MYO3B: variants seen among roughly 807,000 people sequenced by gnomAD.
MYO3B encodes the protein myosin IIIB, also known as myosin-IIIb.
A neutral mutation model predicts 174.6 loss-of-function variants in MYO3B; 156 were observed. That is an observed-to-expected ratio of 0.89 (90% confidence interval 0.78 to 1.02). The LOEUF (loss-of-function observed/expected upper bound fraction) is 1.02, where lower values mean the gene tolerates loss of function less well. Ranked by LOEUF, MYO3B falls within the 50% of genes least tolerant of loss-of-function variation. The pLI is 0.00. For synonymous variants in MYO3B, 563 were observed against 569.1 expected (o/e 0.99, Z 0.15); for missense variants, 1,632 against 1,639.4 (o/e 1.00, Z 0.08).
intron 22 of MYO3B, among the ~76,000 whole-genome samples, chr2:170,435,926 G>A (rs778118653): frequency 1.2e-4 from 18 of 152,184 alleles, no homozygotes; most frequent in Non-Finnish European, 2.4e-4. Context: ...GATGACTACA[G>A]GTGACACCCT....
At chr2:170,499,941 TC>T in intron 27 of MYO3B, 133 bp downstream of exon 27, 1 of 676,170 alleles carries the variant, frequency 1.5e-6, no homozygotes, top group Non-Finnish European at 2.4e-6. Context: ...CTCCCTTCCT[TC>T]CTTCCTTCTT....
At chr2:170,542,642 CA>C in intron 30 of MYO3B, among the ~76,000 whole-genome samples, 1 of 152,154 alleles carries the variant, frequency 6.6e-6, no homozygotes, top group Admixed American at 6.5e-5. Context: ...AAACCAAAGC[CA>C]ATCACACAAC....
intron 32 of MYO3B, among the ~76,000 whole-genome samples, chr2:170,574,661 T>G (rs571168816): frequency 6.6e-6 from 1 of 152,210 alleles, no homozygotes; most frequent in South Asian, 2.1e-4. Context: ...TGGTGAGTTG[T>G]TTTTCCCCCC....
chr2:170,452,378 C>G (rs1306786527), intron 23 of MYO3B, among the ~76,000 whole-genome samples: 2 of 152,074 alleles, frequency 1.3e-5, no homozygotes, highest in Non-Finnish European at 2.9e-5. Context: ...CTTAGGTTCT[C>G]TCATGTGGGC....
In MYO3B at chr2:170,634,205, G is replaced by A. The variant is rs184455471; in HGVS notation, c.3734-17423G>A. On this transcript the variant is annotated intron_variant, in intron 32 of 34. Transcript: ENST00000408978. ...ACAAAGCTGGAAGAATCACGCTACC[G>A]GACTTCAAACAATACTACAAGGCTA... Among the ~76,000 whole-genome samples, 18 of 152,088 alleles carry A rather than the reference G, an allele frequency of 1.2e-4. No homozygotes were observed. In the South Asian group the frequency reaches 1.2e-3, roughly 11 times the overall value.
At chr2:170,578,185 G>C (rs1692912138) in intron 32 of MYO3B, among the ~76,000 whole-genome samples, 1 of 152,222 alleles carries the variant, frequency 6.6e-6, no homozygotes, top group Non-Finnish European at 1.5e-5. Flanking sequence ...ACCCAGACAA[G>C]CTGTTAGCCT....
At chr2:170,446,435 C>G (rs2094843102) in intron 23 of MYO3B, among the ~76,000 whole-genome samples, 1 of 152,142 alleles carries the variant, frequency 6.6e-6, no homozygotes, top group Non-Finnish European at 1.5e-5. Context: ...CCTGTACTAT[C>G]TACCATGGCT....
chr2:170,360,580 G>A (rs2094153122), intron 8 of MYO3B, among the ~76,000 whole-genome samples: 1 of 152,174 alleles, frequency 6.6e-6, no homozygotes, highest in African/African-American at 2.4e-5. Flanking sequence ...ATCTAACTGA[G>A]GGAGCCATTG....
chr2:170,265,316 G>T (rs1183071389), intron 7 of MYO3B, among the ~76,000 whole-genome samples: 3 of 152,146 alleles, frequency 2.0e-5, no homozygotes, highest in African/African-American at 7.2e-5. Flanking sequence ...ACTCTGAAAA[G>T]GTTTATGCAT....
intron 22 of MYO3B, among the ~76,000 whole-genome samples, chr2:170,408,302 G>A (rs1314619545): frequency 1.3e-5 from 2 of 152,172 alleles, no homozygotes; most frequent in African/African-American, 2.4e-5. Flanking sequence ...TTTCTACCCA[G>A]TTATGACCCC....
At chr2:170,224,486 T>C (rs1354764645) in intron 6 of MYO3B, among the ~76,000 whole-genome samples, 1 of 152,180 alleles carries the variant, frequency 6.6e-6, no homozygotes, top group Non-Finnish European at 1.5e-5. Flanking sequence ...CCAGCTCATA[T>C]AACAAAGACA....
chr2:170,404,230 A>C lies in MYO3B; in HGVS notation c.2278-17A>C, dbSNP rs1305209776. ...CTAGTTTTGGGCTGGAGAGAATCACAATCCATTTCCCTCCAGATGGAATAT... is the reference window on the plus strand; with the variant it reads ...CTAGTTTTGGGCTGGAGAGAATCACCATCCATTTCCCTCCAGATGGAATAT... On this transcript the variant is annotated splice_polypyrimidine_tract_variant and intron_variant, in intron 19 of 34. Coordinates refer to ENST00000408978, the MANE Select transcript of MYO3B (RefSeq NM_138995.5). 1.3e-6 allele frequency: 2 copies of C among 1,584,018 alleles called. No homozygotes were observed. The highest frequency in any genetic ancestry group is 1.7e-6 in the Non-Finnish European group (2 of 1,164,798).
intron 7 of MYO3B, among the ~76,000 whole-genome samples, chr2:170,283,207 T>G (rs900016526): frequency 6.6e-6 from 1 of 152,104 alleles, no homozygotes; most frequent in Admixed American, 6.5e-5. Flanking sequence ...GCTCTCTACT[T>G]CAGTCTCAAG....
chr2:170,424,871 A>G (rs1327761411), intron 22 of MYO3B, among the ~76,000 whole-genome samples: 2 of 152,238 alleles, frequency 1.3e-5, no homozygotes, highest in Non-Finnish European at 2.9e-5. Context: ...TCGAATGGTC[A>G]GAATACAAGA....
intron 23 of MYO3B, among the ~76,000 whole-genome samples, chr2:170,457,555 C>T (rs1479531112): frequency 6.6e-6 from 1 of 152,136 alleles, no homozygotes; most frequent in Non-Finnish European, 1.5e-5. Context: ...TACACAGGCT[C>T]AGGATCATCA....
chr2:170,649,174 T>A (rs1261693277), intron 32 of MYO3B, among the ~76,000 whole-genome samples: 3 of 73,174 alleles, frequency 4.1e-5, no homozygotes, highest in African/African-American at 6.3e-5. Context: ...ATATAATATA[T>A]TATATATAAA....
At chr2:170,615,236 A>G (rs545223771) in intron 32 of MYO3B, among the ~76,000 whole-genome samples, 2 of 152,340 alleles carry the variant, frequency 1.3e-5, no homozygotes, top group South Asian at 4.1e-4. Context: ...CTCAGTACCT[A>G]CCATGTACCA....
intron 31 of MYO3B, 148 bp downstream of exon 31, chr2:170,543,114 G>A (rs1690231961): frequency 3.0e-6 from 2 of 657,416 alleles, no homozygotes; most frequent in African/African-American, 1.8e-5. Context: ...TGAGACAAAA[G>A]CCCAGCTTGC....
At chr2:170,237,103 A>G (rs1482026104) in intron 7 of MYO3B, among the ~76,000 whole-genome samples, 1 of 152,236 alleles carries the variant, frequency 6.6e-6, no homozygotes, top group Admixed American at 6.5e-5. Flanking sequence ...CACCCAAGCC[A>G]GAGTTAGTCT....
Sources: gnomAD v4.1 joint callset for allele counts (sites outside exome capture counted in the v4.1 genomes callset) on GRCh38, gnomAD v4.1.1 for gene constraint, MANE v1.5 for transcripts, NCBI Gene and HGNC (gene_info 2026-07-23, HGNC 2026-07-21) for gene names.